Variants in NAALADL1 observed in about 807,000 individuals in gnomAD.
NAALADL1 encodes aminopeptidase NAALADL1.
In NAALADL1, 77 loss-of-function variants were observed where a neutral mutation model predicts 82.8. The observed-to-expected ratio is 0.93, with a 90% CI of 0.77 to 1.12. NAALADL1 has a LOEUF of 1.12. NAALADL1 is among the 50% of genes most tolerant of loss of function. NAALADL1 has a pLI of 0.00. For synonymous variants in NAALADL1, 358 were observed against 399.2 expected (o/e 0.90, Z 1.23); for missense variants, 956 against 964.0 (o/e 0.99, Z 0.11).
intron 8 of NAALADL1, among the ~76,000 whole-genome samples, chr11:65,049,364 A>G (rs1344386176): frequency 6.6e-6 from 1 of 152,210 alleles, no homozygotes; most frequent in East Asian, 1.9e-4. Context: ...GCTTGCAATT[A>G]TACATTTTTA....
In NAALADL1 at chr11:65,053,556, T is replaced by C; in HGVS notation, c.1013A>G (p.Tyr338Cys). Reference protein sequence around the residue: ...PADSQVNVSVYNRLELRNSSN... With the variant: ...PADSQVNVSVCNRLELRNSSN... ...AGAGTTCCTCAGCTCCAGGCGGTTG[T>C]AGACGCTCACATTCACCTGGCTGGG... The change falls in exon 7 of 18, where the codon TAC (tyrosine) becomes TGC (cysteine). Residue 338 changes from tyrosine (Y) to cysteine (C), a missense_variant. Transcript: ENST00000358658. The surrounding 1 kb of genome is among the most constrained non-coding windows in gnomAD (Gnocchi z 4.3). 6.2e-7 allele frequency: 1 copy of C among 1,604,846 alleles called. No homozygotes were observed. Among genetic ancestry groups the C allele is most frequent in the Non-Finnish European group, 8.5e-7 (1 of 1,173,886 alleles).
Position 65,044,920 on chromosome 11 carries a change from A to G in NAALADL1, c.*351T>C. On this transcript the variant is annotated 3_prime_UTR_variant, in exon 18 of 18. Coordinates refer to ENST00000358658, the MANE Select transcript of NAALADL1 (RefSeq NM_005468.3). The surrounding 1 kb of genome is among the most constrained non-coding windows in gnomAD (Gnocchi z 4.0). ...GAGGAACGCAGACTAGCCAAGGCCT[A>G]AGGTACCCCAAGACTCACTTTCGCC... is the stretch of plus-strand genomic sequence containing the variant. The G allele has an allele frequency of 2.9e-6, 2 of 696,956 alleles. No homozygotes were observed. The highest frequency in any genetic ancestry group is 4.7e-6 in the Non-Finnish European group (2 of 427,744). 43.2% of individuals were successfully genotyped at this position (696,956 alleles called of 1,614,324 possible).
At chr11:65,047,427 G>A in intron 13 of NAALADL1, 48 bp downstream of exon 13, 2 of 1,476,300 alleles carry the variant, frequency 1.4e-6, no homozygotes, top group South Asian at 1.2e-5. Flanking sequence ...AGAGGAGGGG[G>A]CGCATGCAGC....
Position 65,045,243 on chromosome 11 carries a change from AG to A in NAALADL1, c.*27del. On this transcript the variant is annotated 3_prime_UTR_variant, in exon 18 of 18. Transcript: ENST00000358658. Reference sequence around the variant, plus strand: ...AGCAGGCAGGAGAGGGTTGGAGTAAAGGGAGGGCTGAAGAAAGAGGGCTGGG... The same window carrying A: ...AGCAGGCAGGAGAGGGTTGGAGTAAAGGAGGGCTGAAGAAAGAGGGCTGGG... The A allele has an allele frequency of 6.3e-7, 1 of 1,599,194 alleles. No individual in the cohort carries two copies. Among genetic ancestry groups the A allele is most frequent in the South Asian group, 1.1e-5 (1 of 89,096 alleles).
chr11:65,059,261 C>T (rs1166351112), upstream of NAALADL1, among the ~76,000 whole-genome samples: 1 of 152,202 alleles, frequency 6.6e-6, no homozygotes, highest in African/African-American at 2.4e-5. Flanking sequence ...GATCACCCGC[C>T]TCAGCCTCCC....
chr11:65,053,318 C>A lies in NAALADL1; in HGVS notation c.1098G>T (p.Gly366=). ...AVEPDRYVLY[G]NHRDSWVHGA... The stretch of plus-strand genomic sequence containing the variant: ...CGTGCACCCAGCTGTCTCGGTGGTT[C>A]CCATACAGCACGTAGCGATCTGGCC... The change falls in exon 8 of 18, where the codon GGG becomes GGT. Residue 366 remains glycine (G), a synonymous_variant. Coordinates refer to ENST00000358658, the MANE Select transcript of NAALADL1 (RefSeq NM_005468.3). The surrounding 1 kb of genome is among the most constrained non-coding windows in gnomAD (Gnocchi z 4.3). 6.4e-7 allele frequency: 1 copy of A among 1,559,736 alleles called. No individual in the cohort carries two copies.
intron 8 of NAALADL1, among the ~76,000 whole-genome samples, chr11:65,050,881 G>A (rs891722990): frequency 6.6e-6 from 1 of 152,172 alleles, no homozygotes; most frequent in African/African-American, 2.4e-5. Context: ...TGTAGAGACA[G>A]GGGTCTCGGT....
rs1370962225 is a variant in NAALADL1 at position 65,058,247 on chromosome 11, T to A, written c.189A>T (p.Glu63Asp). The A allele has an allele frequency of 6.2e-7, 1 of 1,613,122 alleles. No individual in the cohort carries two copies. The highest frequency in any genetic ancestry group is 1.7e-5 in the Admixed American group (1 of 59,974). Reference sequence around the variant, plus strand: ...AGGCCAGGTGTGGCTCCCTGGAGAGTTCTCTGCAGGGTGGGCAGAGGGAGG... The same window carrying A: ...AGGCCAGGTGTGGCTCCCTGGAGAGATCTCTGCAGGGTGGGCAGAGGGAGG... The part of the protein sequence containing the change: ...DAHRIRENLR[E>D]LSREPHLASS... Residue 63 changes from glutamate (E) to aspartate (D), a missense_variant, in exon 2 of 18, where the codon GAA becomes GAT. Transcript: ENST00000358658.
chr11:65,058,141 C>T lies in NAALADL1; in HGVS notation c.295G>A (p.Ala99Thr). The T allele has an allele frequency of 6.2e-7, 1 of 1,613,888 alleles. No homozygotes were observed. Among genetic ancestry groups the T allele is most frequent in the Non-Finnish European group, 8.5e-7 (1 of 1,179,898 alleles). The change falls in exon 2 of 18, where the codon GCC becomes ACC. Residue 99 changes from alanine (A) to threonine (T), a missense_variant. Physicochemically the swap from Ala to Thr is moderately conservative, Grantham distance 58. Coordinates refer to ENST00000358658, the MANE Select transcript of NAALADL1 (RefSeq NM_005468.3). ...GACAGCAGCACTTCGTACGTGGAGG[C>T]CTCGGCCGAGTCCAGGCCTGACTCT... The part of the protein sequence containing the change: ...DPESGLDSAE[A>T]STYEVLLSFP...
chr11:65,050,532 G>A (rs1326564175), intron 8 of NAALADL1, among the ~76,000 whole-genome samples: 1 of 151,448 alleles, frequency 6.6e-6, no homozygotes, highest in Non-Finnish European at 1.5e-5. Flanking sequence ...GCTCACACCT[G>A]TAATCCCAGC....
chr11:65,047,939 C>G (rs752237663), intron 11 of NAALADL1, 42 bp downstream of exon 11: 1 of 1,544,360 alleles, frequency 6.5e-7, no homozygotes, highest in Non-Finnish European at 8.7e-7. Context: ...GCACGCGGCC[C>G]GCCCCAGCTA....
chr11:65,059,158 G>A (rs970179150), upstream of NAALADL1, among the ~76,000 whole-genome samples: 2 of 151,970 alleles, frequency 1.3e-5, no homozygotes, highest in South Asian at 2.1e-4. Context: ...GATTACGGGT[G>A]TGCACCACCA....
chr11:65,050,003 G>C (rs58819113), intron 8 of NAALADL1, among the ~76,000 whole-genome samples: 1 of 151,564 alleles, frequency 6.6e-6, no homozygotes, highest in Non-Finnish European at 1.5e-5. Flanking sequence ...AGCCTCCCGA[G>C]TAGCTGGGAT....
chr11:65,046,450 T>A lies in NAALADL1; in HGVS notation c.1676A>T (p.Asp559Val). 1 of 1,614,030 alleles carries A rather than the reference T, an allele frequency of 6.2e-7. No homozygotes were observed. The highest frequency in any genetic ancestry group is 8.5e-7 in the Non-Finnish European group (1 of 1,179,988). The stretch of plus-strand genomic sequence containing the variant: ...CCCCTTGTCTCCCTCCTCACCCGGG[T>A]CCAAAAACTTGTCCACATAGTCAAA... Reference protein sequence around the residue: ...DTFDYVDKFLDPGFSSHQAVA... With the variant: ...DTFDYVDKFLVPGFSSHQAVA... Residue 559 changes from aspartate (D) to valine (V), a missense_variant, in exon 14 of 18, where the codon GAC becomes GTC. Coordinates refer to ENST00000358658, the MANE Select transcript of NAALADL1 (RefSeq NM_005468.3).
chr11:65,054,187 G>C lies in NAALADL1; in HGVS notation c.992+63C>G, dbSNP rs1324613733. 7.2e-7 allele frequency: 1 copy of C among 1,382,490 alleles called. No homozygotes were observed. Among genetic ancestry groups the C allele is most frequent in the Non-Finnish European group, 1.0e-6 (1 of 982,156 alleles). The allele number at this position is 1,382,490 out of a possible 1,614,324, so 85.6% of individuals were successfully genotyped here. On this transcript the variant is annotated intron_variant, in intron 6 of 17. Coordinates refer to ENST00000358658, the MANE Select transcript of NAALADL1 (RefSeq NM_005468.3). This position sits in a 1 kb window ranked among gnomAD's most constrained non-coding sequence, Gnocchi z 4.3. Reference sequence around the variant, plus strand: ...GGAAAGAGGGAACATCATCACAAGGGAAGGGGAGAGGCGAGTTGGGGGAGA... The same window carrying C: ...GGAAAGAGGGAACATCATCACAAGGCAAGGGGAGAGGCGAGTTGGGGGAGA...
chr11:65,053,328 A>G lies in NAALADL1; in HGVS notation c.1088T>C (p.Val363Ala), dbSNP rs1316517608. ...GCTGTCTCGGTGGTTCCCATACAGC[A>G]CGTAGCGATCTGGCCAGAGGAAAAG... ...IRGAVEPDRY[V>A]LYGNHRDSWV... The change falls in exon 8 of 18, where the codon GTG (valine) becomes GCG (alanine). Residue 363 changes from valine (V) to alanine (A), a missense_variant. By Grantham distance (64) the Val-to-Ala change is moderately conservative. Coordinates refer to ENST00000358658, the MANE Select transcript of NAALADL1 (RefSeq NM_005468.3). This position sits in a 1 kb window ranked among gnomAD's most constrained non-coding sequence, Gnocchi z 4.3. The G allele has an allele frequency of 6.4e-7, 1 of 1,564,890 alleles. No individual in the cohort carries two copies. The highest frequency in any genetic ancestry group is 8.6e-7 in the Non-Finnish European group (1 of 1,156,602).
Position 65,057,896 on chromosome 11 carries a change from A to T in NAALADL1, c.459T>A (p.Tyr153Ter). 6.2e-7 allele frequency: 1 copy of T among 1,614,056 alleles called. No homozygotes were observed. The highest frequency in any genetic ancestry group is 8.5e-7 in the Non-Finnish European group (1 of 1,179,982). The change falls in exon 3 of 18, where the codon TAT becomes TAA. Residue 153 changes from tyrosine to a stop codon, truncating the protein, a stop_gained. Transcript: ENST00000358658. LOFTEE classifies it high-confidence loss of function. ...CCACCTGTGGGGTTCCAGAAGGAGC[A>T]TAGGCAGCATAGGGTTGTACCACAT... is the stretch of plus-strand genomic sequence containing the variant. ...GPDVVQPYAAYAPSGTPQGLL... is the reference protein window; with the variant it reads ...GPDVVQPYAA
At chr11:65,047,414 AAG>A (rs1157109465) in intron 13 of NAALADL1, 59 bp downstream of exon 13, 4 of 1,428,498 alleles carry the variant, frequency 2.8e-6, no homozygotes, top group Admixed American at 2.1e-5. Context: ...AACAGCCACA[AAG>A]AGAGGAGGGG....
intron 13 of NAALADL1, among the ~76,000 whole-genome samples, chr11:65,047,095 T>C (rs1476554572): frequency 6.7e-6 from 1 of 150,320 alleles, no homozygotes; most frequent in Non-Finnish European, 1.5e-5. Flanking sequence ...TTGCATAACA[T>C]AACGGCACAT....
Sources: allele counts gnomAD v4.1 joint callset (sites outside exome capture counted in the v4.1 genomes callset), GRCh38; gene constraint gnomAD v4.1.1; non-coding constraint Gnocchi (gnomAD v3.1); transcripts MANE v1.5; gene names NCBI Gene and HGNC (gene_info 2026-07-23, HGNC 2026-07-21).